FILIP1L: variants seen among roughly 807,000 people sequenced by gnomAD.
The protein encoded by FILIP1L is filamin A interacting protein 1 like.
In FILIP1L, 55 loss-of-function variants were observed where a neutral mutation model predicts 96.6. The ratio of observed to expected loss-of-function variants is 0.57; its 90% CI spans 0.46 to 0.71. The LOEUF is 0.71. Ranked by LOEUF, FILIP1L falls within the 30% of genes least tolerant of loss-of-function variation. FILIP1L has a pLI of 0.00. For synonymous variants in FILIP1L, 467 were observed against 473.9 expected, an observed-to-expected ratio of 0.99 and a Z score of 0.19; for missense variants, 1,304 against 1,321.2, an observed-to-expected ratio of 0.99 and a Z score of 0.20.
chr3:100,008,423 C>A (rs142813823), intron 1 of FILIP1L, among the ~76,000 whole-genome samples: 2,855 of 152,216 alleles, frequency 0.019, 42 homozygotes, highest in Non-Finnish European at 0.03. Flanking sequence ...CCAGGGTACC[C>A]TTCATATAAG....
intron 5 of FILIP1L, among the ~76,000 whole-genome samples, chr3:99,847,106 A>G (rs939059889): frequency 1.3e-5 from 2 of 152,122 alleles, no homozygotes; most frequent in African/African-American, 2.4e-5. Context: ...AATTCACACT[A>G]TATTACTTCT....
At chr3:100,010,294 G>GAA in intron 1 of FILIP1L, 1 of 200,328 alleles carries the variant, frequency 5.0e-6, no homozygotes, top group Non-Finnish European at 8.8e-6. Context: ...TGCATGGAAG[G>GAA]AAAAAAAAAT....
Position 100,049,939 on chromosome 3 carries a change from C to G in FILIP1L, c.-11+64114G>C, listed in dbSNP as rs117321133. Among the ~76,000 whole-genome samples, 130 of 152,258 alleles carry G rather than the reference C, an allele frequency of 8.5e-4. 2 individuals carry two copies. In the East Asian group the frequency reaches 0.022, roughly 26 times the overall value. On this transcript the variant is annotated intron_variant, in intron 1 of 5. Coordinates refer to ENST00000477258, the MANE Select transcript of FILIP1L (RefSeq NM_001387850.1). ...GTCAAAAGTTATATGCGATTTTCAA[C>G]TGCACAGAGGGTCAGTGACCCTAAC...
At chr3:99,855,440 G>A (rs572588528) in intron 4 of FILIP1L, among the ~76,000 whole-genome samples, 2 of 152,284 alleles carry the variant, frequency 1.3e-5, no homozygotes, top group African/African-American at 4.8e-5. Context: ...GCCAAGCAGT[G>A]AGCTGAGTCT....
chr3:99,907,143 A>G (rs1706643794), intron 4 of FILIP1L, among the ~76,000 whole-genome samples: 1 of 152,134 alleles, frequency 6.6e-6, no homozygotes, highest in Non-Finnish European at 1.5e-5. Flanking sequence ...CAGCCCTTCA[A>G]CTCAGATCTT....
intron 3 of FILIP1L, among the ~76,000 whole-genome samples, chr3:99,928,630 T>C (rs1207606592): frequency 6.6e-6 from 1 of 152,228 alleles, no homozygotes; most frequent in Non-Finnish European, 1.5e-5. Context: ...CAACATAAGT[T>C]TGGAATCATC....
chr3:99,963,157 G>C lies in FILIP1L; in HGVS notation c.-10-32127C>G, dbSNP rs556239922. Among the ~76,000 whole-genome samples the C allele has an allele frequency of 5.3e-5, 8 of 152,302 alleles. No homozygotes were observed. The South Asian group carries it at 1.7e-3, about 32-fold the overall frequency. ...CAGTGCACCAGAGAAAGTTCGAAATGCTCTTACTCTTAGGGAAACCTTTCC... is the reference window on the plus strand; with the variant it reads ...CAGTGCACCAGAGAAAGTTCGAAATCCTCTTACTCTTAGGGAAACCTTTCC... On this transcript the variant is annotated intron_variant, in intron 1 of 5. Transcript: ENST00000477258.
intron 1 of FILIP1L, among the ~76,000 whole-genome samples, chr3:99,958,213 A>G (rs1708391871): frequency 7.7e-6 from 1 of 129,798 alleles, no homozygotes; most frequent in Non-Finnish European, 1.7e-5. Context: ...CATTATTATT[A>G]TTATTATTAT....
intron 4 of FILIP1L, among the ~76,000 whole-genome samples, chr3:99,856,732 T>G (rs77209179): frequency 6.6e-6 from 1 of 152,190 alleles, no homozygotes; most frequent in Admixed American, 6.5e-5. Flanking sequence ...GGTTCTTCAT[T>G]ACAAATGATA....
chr3:99,876,296 G>A (rs1305361357), intron 4 of FILIP1L: 1 of 797,572 alleles, frequency 1.3e-6, no homozygotes, highest in African/African-American at 1.9e-5. Context: ...CGGCCGCGGC[G>A]GCGGCGCAGC....
At chr3:100,045,190 C>A (rs909611167) in intron 1 of FILIP1L, among the ~76,000 whole-genome samples, 2 of 152,196 alleles carry the variant, frequency 1.3e-5, no homozygotes, top group East Asian at 3.8e-4. Context: ...CCTCTCGAAG[C>A]CTTAGTTGTT....
intron 1 of FILIP1L, among the ~76,000 whole-genome samples, chr3:100,099,708 G>A (rs771614145): frequency 6.6e-6 from 1 of 152,144 alleles, no homozygotes; most frequent in East Asian, 1.9e-4. Flanking sequence ...AATACCCACC[G>A]TGTGCCAGAC....
At chr3:100,076,557 C>A (rs953330985) in intron 1 of FILIP1L, among the ~76,000 whole-genome samples, 1 of 152,266 alleles carries the variant, frequency 6.6e-6, no homozygotes, top group Admixed American at 6.5e-5. Flanking sequence ...GACATGCTTT[C>A]GAGGTTTCAT....
intron 1 of FILIP1L, among the ~76,000 whole-genome samples, chr3:99,960,138 C>T (rs988484969): frequency 1.3e-5 from 2 of 152,130 alleles, no homozygotes; most frequent in Admixed American, 6.5e-5. Context: ...TTAGTGGTAG[C>T]TCACAACCTG....
chr3:100,033,517 A>T (rs1223623684), intron 1 of FILIP1L, among the ~76,000 whole-genome samples: 1 of 152,232 alleles, frequency 6.6e-6, no homozygotes, highest in Non-Finnish European at 1.5e-5. Context: ...CTTCAAGACC[A>T]GGATTCTTAA....
At chr3:100,009,673 A>T (rs1441396055) in intron 1 of FILIP1L, among the ~76,000 whole-genome samples, 1 of 152,246 alleles carries the variant, frequency 6.6e-6, no homozygotes, top group Non-Finnish European at 1.5e-5. Flanking sequence ...AAGAAAGTCA[A>T]CAGAGGAAAT....
At chr3:99,879,156 C>G (rs1429953341) in intron 4 of FILIP1L, among the ~76,000 whole-genome samples, 1 of 152,192 alleles carries the variant, frequency 6.6e-6, no homozygotes, top group Admixed American at 6.5e-5. Context: ...TCTAAATCAG[C>G]ACTAGCTTTA....
chr3:99,975,558 C>T (rs1401465872), intron 1 of FILIP1L, among the ~76,000 whole-genome samples: 1 of 151,648 alleles, frequency 6.6e-6, no homozygotes, highest in African/African-American at 2.4e-5. Context: ...CACCATTGCA[C>T]TCCAGCCTGC....
intron 4 of FILIP1L, among the ~76,000 whole-genome samples, chr3:99,919,285 G>A (rs759527949): frequency 1.7e-4 from 25 of 151,376 alleles, no homozygotes; most frequent in South Asian, 1.1e-3. Flanking sequence ...TTTTCTACCC[G>A]TCATGAACTC....
Sources: allele counts gnomAD v4.1 joint callset (sites outside exome capture counted in the v4.1 genomes callset), GRCh38; gene constraint gnomAD v4.1.1; transcripts MANE v1.5; gene names NCBI Gene and HGNC (gene_info 2026-07-23, HGNC 2026-07-21).